TNKS: variants seen among roughly 807,000 people sequenced by gnomAD.
TNKS encodes poly [ADP-ribose] polymerase tankyrase-1.
Under a neutral mutation model 135.8 loss-of-function variants are expected in TNKS, and 72 were observed. The ratio of observed to expected loss-of-function variants is 0.53; its 90% confidence interval spans 0.44 to 0.64. The LOEUF is 0.64. Among genes scored for constraint, TNKS ranks in the 30% least tolerant of loss-of-function variants. The probability of loss-of-function intolerance (pLI) is 0.00; values close to 1 mark genes in which losing one functional copy is unlikely to be tolerated. For synonymous variants in TNKS, 849 were observed against 649.3 expected (o/e 1.31, Z -4.68); for missense variants, 1,769 against 1,674.0 (o/e 1.06, Z -0.99).
intron 25 of TNKS, among the ~76,000 whole-genome samples, chr8:9,767,654 G>T: frequency 6.6e-6 from 1 of 152,136 alleles, no homozygotes; most frequent in East Asian, 1.9e-4. Context: ...AGACCTCTGT[G>T]GTTAGGAATA....
chr8:9,728,990 C>T (rs1051976881), intron 13 of TNKS, among the ~76,000 whole-genome samples: 3 of 152,304 alleles, frequency 2.0e-5, no homozygotes, highest in African/African-American at 4.8e-5. Flanking sequence ...ATTTATTTCT[C>T]TCAGTTCTGG....
chr8:9,602,889 T>G (rs1201790079), intron 2 of TNKS, among the ~76,000 whole-genome samples: 1 of 152,224 alleles, frequency 6.6e-6, no homozygotes, highest in East Asian at 1.9e-4. Context: ...TATTTTATAC[T>G]TAAAGCATAT....
Position 9,704,615 on chromosome 8 carries a change from CTTTG to C in TNKS, c.1108-36_1108-33del, listed in dbSNP as rs573283496. 1.5e-4 allele frequency: 224 copies of C among 1,485,192 alleles called. 1 individual carries two copies. The African/African-American group carries it at 1.5e-3, about 10-fold the overall frequency. 92.0% of individuals were successfully genotyped at this position (1,485,192 alleles called of 1,614,324 possible). A position where few individuals can be genotyped will look rare whatever the true frequency, so the allele number is the denominator to read the frequency against. ...TCTGAAATGGCAAAGCAAGGATTTT[CTTTG>C]TTTGTTTGTTTTTACCTGAAAAGGG... On this transcript the variant is annotated intron_variant, in intron 5 of 26. Transcript: ENST00000310430.
At chr8:9,598,761 GTGTGTATATATATATATATATA>G (rs1798895105) in intron 2 of TNKS, among the ~76,000 whole-genome samples, 3 of 67,250 alleles carry the variant, frequency 4.5e-5, no homozygotes, top group African/African-American at 1.7e-4. Flanking sequence ...GTATATGTGT[GTGTGTATATATATATATATATA>G]TATATATATA....
intron 2 of TNKS, among the ~76,000 whole-genome samples, chr8:9,586,274 G>C (rs1334078559): frequency 6.6e-6 from 1 of 152,104 alleles, no homozygotes; most frequent in Admixed American, 6.5e-5. Flanking sequence ...AAATTAAGCT[G>C]ACTATATAAA....
chr8:9,699,448 G>T lies in TNKS; in HGVS notation c.1108-5215G>T, dbSNP rs182482304. Among the ~76,000 whole-genome samples the T allele has an allele frequency of 7.9e-4, 120 of 152,222 alleles. 2 individuals are homozygous for T. Among genetic ancestry groups the T allele is most frequent in the Non-Finnish European group, 4.9e-4 (33 of 68,006 alleles). On this transcript the variant is annotated intron_variant, in intron 5 of 26. Coordinates refer to ENST00000310430, the MANE Select transcript of TNKS (RefSeq NM_003747.3). The stretch of plus-strand genomic sequence containing the variant: ...AGGGCTTTTAGTGGCATGAGTTTGC[G>T]CAAATCATCCTTTTTTTTCTCAATT...
At chr8:9,661,630 C>T (rs1370013670) in intron 3 of TNKS, among the ~76,000 whole-genome samples, 1 of 152,044 alleles carries the variant, frequency 6.6e-6, no homozygotes, top group Non-Finnish European at 1.5e-5. Flanking sequence ...CCATAAAAAC[C>T]CTAGAAGAAA....
chr8:9,616,872 G>C (rs1468742066), intron 3 of TNKS, among the ~76,000 whole-genome samples: 1 of 152,002 alleles, frequency 6.6e-6, no homozygotes, highest in African/African-American at 2.4e-5. Flanking sequence ...ACATAGCCTC[G>C]GGCCTGCTCA....
chr8:9,575,027 A>C (rs772352741), intron 1 of TNKS: 22 of 985,226 alleles, frequency 2.2e-5, no homozygotes, highest in Non-Finnish European at 2.7e-5. Context: ...ATAAACTGCT[A>C]TGTGTGCCTG....
At chr8:9,568,757 G>A (rs1441814290) in intron 1 of TNKS, among the ~76,000 whole-genome samples, 2 of 152,130 alleles carry the variant, frequency 1.3e-5, no homozygotes, top group Admixed American at 6.5e-5. Flanking sequence ...TGTTGGAAAA[G>A]GAAGAAATAT....
At chr8:9,745,614 A>G (rs1183614464) in intron 17 of TNKS, among the ~76,000 whole-genome samples, 9 of 152,138 alleles carry the variant, frequency 5.9e-5, no homozygotes, top group African/African-American at 2.2e-4. Flanking sequence ...CATGTTGGCC[A>G]GGATGGTCTC....
intron 2 of TNKS, among the ~76,000 whole-genome samples, chr8:9,606,224 C>G (rs1038935895): frequency 6.7e-6 from 1 of 150,094 alleles, no homozygotes; most frequent in African/African-American, 2.5e-5. Context: ...GCTATTTTTC[C>G]ACCGTTGAAT....
chr8:9,581,563 G>C (rs928253276), intron 2 of TNKS, among the ~76,000 whole-genome samples: 7 of 152,272 alleles, frequency 4.6e-5, no homozygotes, highest in South Asian at 4.1e-4. Flanking sequence ...TTTTGTAAAT[G>C]ATAACTATTA....
chr8:9,775,020 A>C (rs1249246259), intron 26 of TNKS, among the ~76,000 whole-genome samples: 4 of 152,196 alleles, frequency 2.6e-5, no homozygotes, highest in Non-Finnish European at 5.9e-5. Context: ...AGCAGGGTCC[A>C]CATCTCACAC....
chr8:9,653,405 G>A (rs1372150699), intron 3 of TNKS, among the ~76,000 whole-genome samples: 2 of 152,030 alleles, frequency 1.3e-5, no homozygotes, highest in African/African-American at 2.4e-5. Context: ...ATTTATAAGG[G>A]AGAGAGGTTT....
In TNKS at chr8:9,555,921, G is replaced by T. The variant is rs1256042424; in HGVS notation, c.-19G>T. Reference sequence around the variant, plus strand: ...GGTGGGGGCCGTTGCCGCAGTGACAGTGCTAGGGGAGTCCGAAGATGGCGG... The same window carrying T: ...GGTGGGGGCCGTTGCCGCAGTGACATTGCTAGGGGAGTCCGAAGATGGCGG... On this transcript the variant is annotated 5_prime_UTR_variant, in exon 1 of 27. Transcript: ENST00000310430. The T allele has an allele frequency of 2.5e-6, 4 of 1,601,208 alleles. No homozygotes were observed. Among genetic ancestry groups the T allele is most frequent in the Non-Finnish European group, 2.6e-6 (3 of 1,174,342 alleles).
At chr8:9,669,925 G>T (rs978486854) in intron 3 of TNKS, among the ~76,000 whole-genome samples, 1 of 152,164 alleles carries the variant, frequency 6.6e-6, no homozygotes, top group East Asian at 1.9e-4. Flanking sequence ...GGGCTATTGA[G>T]ATATAATGTC....
intron 2 of TNKS, among the ~76,000 whole-genome samples, chr8:9,599,625 A>G (rs1319658093): frequency 6.6e-6 from 1 of 152,174 alleles, no homozygotes; most frequent in African/African-American, 2.4e-5. Flanking sequence ...TTATCTTGTA[A>G]TAAATTGTTA....
chr8:9,763,149 A>G lies in TNKS; in HGVS notation c.3277A>G (p.Thr1093Ala). The G allele has an allele frequency of 6.3e-7, 1 of 1,583,158 alleles. No homozygotes were observed. The highest frequency in any genetic ancestry group is 8.6e-7 in the Non-Finnish European group (1 of 1,162,000). ...ATGTTAATTTTTCTCTCCGACAGGC[A>G]CCAATCCTTATTTGACTTTTCACTG... Reference protein sequence around the residue: ...VERLLGGQQGTNPYLTFHCVN... With the variant: ...VERLLGGQQGANPYLTFHCVN... Residue 1093 changes from threonine to alanine, a missense_variant and splice_region_variant, in exon 22 of 27, where the codon ACC (threonine) becomes GCC (alanine). Coordinates refer to ENST00000310430, the MANE Select transcript of TNKS (RefSeq NM_003747.3).
Sources: gnomAD v4.1 joint callset for allele counts (sites outside exome capture counted in the v4.1 genomes callset) on GRCh38, gnomAD v4.1.1 for gene constraint, MANE v1.5 for transcripts, NCBI Gene and HGNC (gene_info 2026-07-23, HGNC 2026-07-21) for gene names.